BLK: variants seen among roughly 807,000 people sequenced by gnomAD.
BLK encodes the protein BLK proto-oncogene, Src family tyrosine kinase.
A neutral mutation model predicts 61.8 loss-of-function variants in BLK; 64 were observed. That is an observed-to-expected ratio of 1.03 (90% CI 0.85 to 1.27). The LOEUF is 1.27. BLK is among the 50% of genes most tolerant of loss of function. The probability of loss-of-function intolerance (pLI) is 0.00; values close to 1 mark genes in which losing one functional copy is unlikely to be tolerated. For synonymous variants in BLK, 351 were observed against 272.0 expected, an observed-to-expected ratio of 1.29 and a Z score of -2.86; for missense variants, 853 against 660.5, an observed-to-expected ratio of 1.29 and a Z score of -3.19.
chr8:11,500,016 G>C (rs1356043101), intron 1 of BLK, among the ~76,000 whole-genome samples: 3 of 152,278 alleles, frequency 2.0e-5, no homozygotes, highest in South Asian at 2.1e-4. Context: ...ATTTCTGAAA[G>C]AGCCTGATAT....
intron 1 of BLK, among the ~76,000 whole-genome samples, chr8:11,531,380 A>C (rs1454132724): frequency 6.6e-6 from 1 of 152,152 alleles, no homozygotes; most frequent in Non-Finnish European, 1.5e-5. Flanking sequence ...ATCTATTCTA[A>C]GGGAATAGAA....
At chr8:11,544,301 C>G (rs1001468487) in intron 2 of BLK, among the ~76,000 whole-genome samples, 1 of 152,140 alleles carries the variant, frequency 6.6e-6, no homozygotes, top group African/African-American at 2.4e-5. Context: ...TGTGCTCTCT[C>G]CACTCCCTGA....
chr8:11,508,236 C>A (rs776474728), intron 1 of BLK, among the ~76,000 whole-genome samples: 1 of 152,218 alleles, frequency 6.6e-6, no homozygotes, highest in Non-Finnish European at 1.5e-5. Context: ...CGTGTCACGG[C>A]GCGAAGGCTA....
intron 9 of BLK, 27 bp from the exon 10 acceptor site, chr8:11,557,935 G>A (rs1277412676): frequency 2.6e-5 from 42 of 1,611,562 alleles, no homozygotes; most frequent in Non-Finnish European, 3.5e-5. Flanking sequence ...CTTTGCAGAA[G>A]GGCACTTGCA....
intron 2 of BLK, chr8:11,545,621 A>C (rs1800598417): frequency 4.0e-6 from 1 of 253,110 alleles, no homozygotes; most frequent in Non-Finnish European, 7.9e-6. Context: ...ACACTCTTGT[A>C]CACATACACA....
chr8:11,558,077 G>C (rs1158265437), intron 10 of BLK, 39 bp downstream of exon 10: 2 of 1,594,240 alleles, frequency 1.3e-6, no homozygotes, highest in Non-Finnish European at 1.7e-6. Flanking sequence ...GGCGGCATGT[G>C]CCACCTGCTG....
chr8:11,531,076 C>G (rs1248136477), intron 1 of BLK, among the ~76,000 whole-genome samples: 1 of 152,098 alleles, frequency 6.6e-6, no homozygotes, highest in Non-Finnish European at 1.5e-5. Flanking sequence ...GTTTTAGTTG[C>G]CATTCCCCTA....
intron 9 of BLK, 32 bp downstream of exon 9, chr8:11,556,869 G>A (rs758927656): frequency 6.2e-7 from 1 of 1,610,446 alleles, no homozygotes; most frequent in Non-Finnish European, 8.5e-7. Context: ...CATCCTCAGA[G>A]CGAGGCGGGA....
At chr8:11,536,336 G>A (rs1371312952) in intron 1 of BLK, among the ~76,000 whole-genome samples, 3 of 152,152 alleles carry the variant, frequency 2.0e-5, no homozygotes, top group African/African-American at 7.2e-5. Context: ...CAATTTTAAA[G>A]ATAATTATTG....
chr8:11,523,295 T>C (rs1799525742), intron 1 of BLK, among the ~76,000 whole-genome samples: 1 of 152,256 alleles, frequency 6.6e-6, no homozygotes, highest in African/African-American at 2.4e-5. Flanking sequence ...GGCTCACACC[T>C]GTAATCCCAG....
At chr8:11,555,676 C>G (rs1563120733) in intron 8 of BLK, 192 bp downstream of exon 8, 6 of 876,532 alleles carry the variant, frequency 6.8e-6, no homozygotes, top group Non-Finnish European at 3.6e-6. Flanking sequence ...ACAGCTGGGA[C>G]CGCTTATGGT....
chr8:11,501,663 G>A (rs1798565922), intron 1 of BLK, among the ~76,000 whole-genome samples: 1 of 152,216 alleles, frequency 6.6e-6, no homozygotes, highest in African/African-American at 2.4e-5. Context: ...AAATACCGCA[G>A]AGGTGATTGA....
At chr8:11,522,696 G>A (rs1241277912) in intron 1 of BLK, among the ~76,000 whole-genome samples, 3 of 150,654 alleles carry the variant, frequency 2.0e-5, no homozygotes, top group African/African-American at 7.3e-5. Context: ...AAAGCACTGG[G>A]AATCTGTGTA....
chr8:11,558,261 G>A (rs1225372707), intron 10 of BLK, among the ~76,000 whole-genome samples: 1 of 152,238 alleles, frequency 6.6e-6, no homozygotes, highest in Non-Finnish European at 1.5e-5. Context: ...AGGGAGCCCA[G>A]GGAATGGAGC....
rs74961098 is a variant in BLK, at chr8:11,542,970, C to A, written c.-1-254C>A. On this transcript the variant is annotated intron_variant, in intron 1 of 12. Transcript: ENST00000259089. Reference sequence around the variant, plus strand: ...CTGGATCCACCCCAGTGGTTTCCAGCGGTTATCTCCAGCCAGAGGATTTCT... The same window carrying A: ...CTGGATCCACCCCAGTGGTTTCCAGAGGTTATCTCCAGCCAGAGGATTTCT... 0.028 allele frequency among the ~76,000 whole-genome samples: 4,211 copies of A among 152,270 alleles called. 116 individuals are homozygous for A. Among genetic ancestry groups the A allele is most frequent in the African/African-American group, 0.073 (3,040 of 41,538 alleles).
At chr8:11,552,128 T>C (rs1358255153) in intron 6 of BLK, among the ~76,000 whole-genome samples, 1 of 151,944 alleles carries the variant, frequency 6.6e-6, no homozygotes, top group African/African-American at 2.4e-5. Context: ...ATGGACAGAG[T>C]TGTCACCTGG....
chr8:11,536,434 A>G (rs2117406242), intron 1 of BLK, among the ~76,000 whole-genome samples: 1 of 152,306 alleles, frequency 6.6e-6, no homozygotes, highest in Middle Eastern at 3.4e-3. Flanking sequence ...TCTGTCAACT[A>G]GGCTGGAGTG....
intron 1 of BLK, among the ~76,000 whole-genome samples, chr8:11,504,909 G>GCCCTTGCCT (rs1340157705): frequency 6.6e-6 from 1 of 152,114 alleles, no homozygotes; most frequent in East Asian, 1.9e-4. Context: ...CAGGCAAGGG[G>GCCCTTGCCT]GTAATGGATA....
intron 4 of BLK, 33 bp downstream of exon 4, chr8:11,548,158 C>G: frequency 6.5e-7 from 1 of 1,542,834 alleles, no homozygotes; most frequent in Admixed American, 1.7e-5. Context: ...CCTGTCCCTG[C>G]AGGACCCCCC....
Sources: allele counts gnomAD v4.1 joint callset (sites outside exome capture counted in the v4.1 genomes callset), GRCh38; gene constraint gnomAD v4.1.1; transcripts MANE v1.5; gene names NCBI Gene and HGNC (gene_info 2026-07-23, HGNC 2026-07-21).